The following DNAJC1 variants were observed in gnomAD, a reference collection of about 807,000 sequenced individuals.
DNAJC1 encodes the protein dnaJ homolog subfamily C member 1.
DNAJC1 carries 58 observed loss-of-function variants against 76.6 expected under a neutral mutation model. That is an observed-to-expected ratio of 0.76 (90% CI 0.61 to 0.94). The LOEUF is 0.94. Ranked by LOEUF, DNAJC1 falls within the 40% of genes least tolerant of loss-of-function variation. The pLI, the probability that DNAJC1 is intolerant of heterozygous loss-of-function variation, is 0.00. For missense variants in DNAJC1, 689 were observed against 677.3 expected (o/e 1.02, Z -0.19); for synonymous variants, 258 against 267.9 (o/e 0.96, Z 0.36).
chr10:21,957,737 A>G (rs1294439618), intron 1 of DNAJC1, among the ~76,000 whole-genome samples: 1 of 152,200 alleles, frequency 6.6e-6, no homozygotes, highest in Non-Finnish European at 1.5e-5. Context: ...AAATAAATAC[A>G]TACATTCTTC....
At chr10:21,976,730 T>C (rs1000819536) in intron 1 of DNAJC1, among the ~76,000 whole-genome samples, 1 of 152,160 alleles carries the variant, frequency 6.6e-6, no homozygotes, top group African/African-American at 2.4e-5. Context: ...TTCTCAGCTC[T>C]TCCCACTAAG....
At chr10:21,817,496 G>T (rs78540041) in intron 8 of DNAJC1, among the ~76,000 whole-genome samples, 4 of 151,588 alleles carry the variant, frequency 2.6e-5, no homozygotes, top group African/African-American at 2.4e-5. Context: ...CTGTCTTGCT[G>T]GTCCTGAAAC....
At chr10:21,977,158 G>A (rs1435053487) in intron 1 of DNAJC1, among the ~76,000 whole-genome samples, 1 of 152,008 alleles carries the variant, frequency 6.6e-6, no homozygotes, top group Non-Finnish European at 1.5e-5. Flanking sequence ...AAACACAAAA[G>A]TAGAATCCTA....
intron 7 of DNAJC1, among the ~76,000 whole-genome samples, chr10:21,898,169 T>G (rs1836576072): frequency 6.6e-6 from 1 of 152,168 alleles, no homozygotes; most frequent in African/African-American, 2.4e-5. Context: ...CACACAGGAT[T>G]TAATTTGCTA....
Position 21,908,497 on chromosome 10 carries a change from G to GGC in DNAJC1, c.730-3886_730-3885insGC, listed in dbSNP as rs1047819011. Among the ~76,000 whole-genome samples, 48 of 148,780 alleles carry GGC rather than the reference G, an allele frequency of 3.2e-4. 3 individuals are homozygous for GGC. In the East Asian group the frequency reaches 7.9e-3, roughly 25 times the overall value. Reference sequence around the variant, plus strand: ...TTCCCTCCCATTTTTCATGGGGGGGGGGTGAATTCAAGTGAATAAAATTAT... The same window carrying GGC: ...TTCCCTCCCATTTTTCATGGGGGGGGGCGGTGAATTCAAGTGAATAAAATTAT... On this transcript the variant is annotated intron_variant, in intron 6 of 11. Transcript: ENST00000376980.
intron 8 of DNAJC1, among the ~76,000 whole-genome samples, chr10:21,841,239 G>C (rs568238694): frequency 5.3e-5 from 8 of 152,186 alleles, no homozygotes; most frequent in East Asian, 1.9e-4. Context: ...GCAACAAAAG[G>C]CAAAATTGAC....
At chr10:21,950,689 G>A (rs1308852496) in intron 1 of DNAJC1, among the ~76,000 whole-genome samples, 1 of 152,200 alleles carries the variant, frequency 6.6e-6, no homozygotes, top group Non-Finnish European at 1.5e-5. Flanking sequence ...AGTTCTTGAA[G>A]GAAATTAAGT....
intron 6 of DNAJC1, among the ~76,000 whole-genome samples, chr10:21,909,517 G>C (rs1836818405): frequency 6.6e-6 from 1 of 152,162 alleles, no homozygotes; most frequent in Non-Finnish European, 1.5e-5. Context: ...AGGAATTGTT[G>C]TCTTTCACCC....
chr10:21,790,330 A>T (rs986965042), intron 9 of DNAJC1, among the ~76,000 whole-genome samples: 1 of 152,032 alleles, frequency 6.6e-6, no homozygotes, highest in Non-Finnish European at 1.5e-5. Flanking sequence ...AAATAGATTC[A>T]ACTCAAAAAG....
intron 8 of DNAJC1, among the ~76,000 whole-genome samples, chr10:21,880,366 A>C (rs549656352): frequency 1.8e-4 from 28 of 152,292 alleles, no homozygotes; most frequent in African/African-American, 6.5e-4. Context: ...AGAATAGTAA[A>C]TCCTTCCCAG....
chr10:21,779,505 C>T (rs1297630872), intron 9 of DNAJC1, among the ~76,000 whole-genome samples: 1 of 152,194 alleles, frequency 6.6e-6, no homozygotes, highest in Admixed American at 6.5e-5. Context: ...GGACCTCCAG[C>T]AAACTCCAGC....
chr10:21,878,303 C>T (rs554244577), intron 8 of DNAJC1, among the ~76,000 whole-genome samples: 3 of 152,272 alleles, frequency 2.0e-5, no homozygotes, highest in Admixed American at 1.3e-4. Flanking sequence ...TTAGCATCAT[C>T]GGGAGGTTTA....
intron 9 of DNAJC1, among the ~76,000 whole-genome samples, chr10:21,802,999 A>G (rs1390578217): frequency 6.6e-6 from 1 of 152,162 alleles, no homozygotes; most frequent in Non-Finnish European, 1.5e-5. Context: ...GAATTAAAAT[A>G]TACTCGGTGT....
intron 8 of DNAJC1, among the ~76,000 whole-genome samples, chr10:21,836,443 C>A (rs1015004344): frequency 6.6e-5 from 10 of 152,162 alleles, no homozygotes; most frequent in Admixed American, 2.0e-4. Flanking sequence ...AACCAGCTAA[C>A]ATCATAATGA....
chr10:21,806,808 A>G (rs1970467), intron 8 of DNAJC1, among the ~76,000 whole-genome samples: 19,688 of 152,000 alleles, frequency 0.13, 1,584 homozygotes, highest in East Asian at 0.28. Context: ...TATTTTGACC[A>G]TTTCATTTTG....
chr10:21,921,630 G>A (rs1837043890), intron 3 of DNAJC1, among the ~76,000 whole-genome samples: 1 of 151,868 alleles, frequency 6.6e-6, no homozygotes, highest in Non-Finnish European at 1.5e-5. Flanking sequence ...CTGTTTATTT[G>A]TAAACAATTA....
In DNAJC1 at chr10:21,867,389, A is replaced by T. The variant is rs186067269; in HGVS notation, c.978+14893T>A. On this transcript the variant is annotated intron_variant, in intron 8 of 11. Coordinates refer to ENST00000376980, the MANE Select transcript of DNAJC1 (RefSeq NM_022365.4). Reference sequence around the variant, plus strand: ...GTTGAAACTATTTAAAGTAAAATTTAAAGTATTTACAGGCCAACACAATTT... The same window carrying T: ...GTTGAAACTATTTAAAGTAAAATTTTAAGTATTTACAGGCCAACACAATTT... Among the ~76,000 whole-genome samples, 31 of 152,260 alleles carry T rather than the reference A, an allele frequency of 2.0e-4. No homozygotes were observed. The East Asian group carries it at 6.0e-3, about 29-fold the overall frequency.
Position 21,929,227 on chromosome 10 carries a change from C to G in DNAJC1, c.223-86G>C, listed in dbSNP as rs762761719. On this transcript the variant is annotated intron_variant, in intron 1 of 11. Transcript: ENST00000376980. The stretch of plus-strand genomic sequence containing the variant: ...AGAACCTTGTTAAGATCTGAGAAGA[C>G]AGCCAACCAAGTGCAGGACCCCAGG... 78 of 912,950 alleles carry G rather than the reference C, an allele frequency of 8.5e-5. 1 individual carries two copies. The highest frequency in any genetic ancestry group is 2.1e-4 in the Admixed American group (8 of 38,522). The allele number at this position is 912,950 out of a possible 1,614,324, so 56.6% of individuals were successfully genotyped here. A position where few individuals can be genotyped will look rare whatever the true frequency, so the allele number is the denominator to read the frequency against.
At chr10:21,872,399 C>T (rs900018877) in intron 8 of DNAJC1, among the ~76,000 whole-genome samples, 1 of 152,006 alleles carries the variant, frequency 6.6e-6, no homozygotes, top group African/African-American at 2.4e-5. Context: ...GTTCAATGAG[C>T]TAAAGGAAGC....
Sources: allele counts gnomAD v4.1 joint callset (sites outside exome capture counted in the v4.1 genomes callset), GRCh38; gene constraint gnomAD v4.1.1; transcripts MANE v1.5; gene names NCBI Gene and HGNC (gene_info 2026-07-23, HGNC 2026-07-21).